Variants in MCC observed in about 807,000 individuals in gnomAD.
MCC encodes MCC regulator of Wnt signaling pathway.
Under a neutral mutation model 116.2 loss-of-function variants are expected in MCC, and 90 were observed. The ratio of observed to expected loss-of-function variants is 0.77; its 90% CI spans 0.65 to 0.92. MCC has a LOEUF of 0.92. Ranked by LOEUF, MCC falls within the 40% of genes least tolerant of loss-of-function variation. The pLI is 0.00. For synonymous variants in MCC, 578 were observed against 510.5 expected, an observed-to-expected ratio of 1.13 and a Z score of -1.78; for missense variants, 1,516 against 1,312.2, an observed-to-expected ratio of 1.16 and a Z score of -2.40.
chr5:113,068,173 T>A lies in MCC; in HGVS notation c.1936A>T (p.Ile646Phe), dbSNP rs200168585. ...GCCAGGAGGAGTTCGTAGGCTTCGA[T>A]GCACTGCTCGCTGAAACAAAGCACA... The part of the protein sequence containing the change: ...RLALQYSEQC[I>F]EAYELLLALA... Residue 646 changes from isoleucine (I) to phenylalanine (F), a missense_variant, in exon 13 of 19, where the codon ATC becomes TTC. Coordinates refer to ENST00000408903, the MANE Select transcript of MCC (RefSeq NM_001085377.2). The A allele has an allele frequency of 1.2e-6, 2 of 1,613,776 alleles. No individual in the cohort carries two copies. Among genetic ancestry groups the A allele is most frequent in the South Asian group, 1.1e-5 (1 of 91,086 alleles).
intron 4 of MCC, among the ~76,000 whole-genome samples, chr5:113,150,442 C>T (rs908500153): frequency 6.6e-6 from 1 of 152,042 alleles, no homozygotes; most frequent in Non-Finnish European, 1.5e-5. Context: ...CAAACAAAAA[C>T]ACTCCAGATA....
intron 5 of MCC, among the ~76,000 whole-genome samples, chr5:113,136,833 A>G (rs143959215): frequency 1.4e-4 from 21 of 152,250 alleles, no homozygotes; most frequent in African/African-American, 4.6e-4. Flanking sequence ...TTCCTTTCCA[A>G]TTTGGATGCC....
Position 113,245,120 on chromosome 5 carries a change from C to T in MCC, c.628-93698G>A, listed in dbSNP as rs567553605. On this transcript the variant is annotated intron_variant, in intron 3 of 18. Coordinates refer to ENST00000408903, the MANE Select transcript of MCC (RefSeq NM_001085377.2). ...CAGCCCGACCAATATGATGAAACCC[C>T]GTCTCTGCTAAAAATAAAATTAGCC... Among the ~76,000 whole-genome samples, 11 of 152,046 alleles carry T rather than the reference C, an allele frequency of 7.2e-5. No homozygotes were observed. The East Asian group carries it at 1.2e-3, about 16-fold the overall frequency.
chr5:113,216,880 A>T (rs1046525994), intron 3 of MCC, among the ~76,000 whole-genome samples: 2 of 152,246 alleles, frequency 1.3e-5, no homozygotes, highest in Admixed American at 1.3e-4. Context: ...AAACGAAGAC[A>T]ATGAAATAAT....
rs112691215 is a variant in MCC at position 113,083,953 on chromosome 5, A to G, written c.1635+148T>C. 327 of 624,368 alleles carry G rather than the reference A, an allele frequency of 5.2e-4. 3 individuals carry two copies. In the African/African-American group the frequency reaches 5.3e-3, roughly 10 times the overall value. 38.7% of individuals were successfully genotyped at this position (624,368 alleles called of 1,614,324 possible). On this transcript the variant is annotated intron_variant, in intron 10 of 18. Coordinates refer to ENST00000408903, the MANE Select transcript of MCC (RefSeq NM_001085377.2). ...GGAAATCATCATACATTTTAATTTA[A>G]TCCTTTGGAAGGAAATCAGGTATGA...
rs756617841 is a variant in MCC at position 113,282,144 on chromosome 5, AG to A, written c.627+58374del. Among the ~76,000 whole-genome samples, 139 of 152,336 alleles carry A rather than the reference AG, an allele frequency of 9.1e-4. 1 individual carries two copies. Among genetic ancestry groups the A allele is most frequent in the Non-Finnish European group, 1.7e-3 (114 of 68,026 alleles). ...CTATGATTTCAGAGTCTATAACTTTAGAAAAAAAATAGTTTTACAGACAAAG... is the reference window on the plus strand; with the variant it reads ...CTATGATTTCAGAGTCTATAACTTTAAAAAAAAATAGTTTTACAGACAAAG... On this transcript the variant is annotated intron_variant, in intron 3 of 18. Coordinates refer to ENST00000408903, the MANE Select transcript of MCC (RefSeq NM_001085377.2).
In MCC at chr5:113,108,380, T is replaced by A. The variant is rs187846122; in HGVS notation, c.1028-4025A>T. On this transcript the variant is annotated intron_variant, in intron 6 of 18. Coordinates refer to ENST00000408903, the MANE Select transcript of MCC (RefSeq NM_001085377.2). ...AAAAAAAGAAAGGAAAGTGGCCAGG[T>A]GTGGTGGCTCATGCCTATAATCCCA... Among the ~76,000 whole-genome samples, 11 of 126,876 alleles carry A rather than the reference T, an allele frequency of 8.7e-5. No individual in the cohort carries two copies. In the East Asian group the frequency reaches 2.4e-3, roughly 27 times the overall value. 83.2% of individuals were successfully genotyped at this position (126,876 alleles called of 152,430 possible). A position where few individuals can be genotyped will look rare whatever the true frequency, so the allele number is the denominator to read the frequency against.
chr5:113,414,357 T>C (rs1770083118), intron 1 of MCC, among the ~76,000 whole-genome samples: 1 of 152,204 alleles, frequency 6.6e-6, no homozygotes. Flanking sequence ...TGTCTAACAT[T>C]GACAGTGGGG....
At chr5:113,430,828 G>A (rs755985659) in intron 1 of MCC, among the ~76,000 whole-genome samples, 6 of 152,142 alleles carry the variant, frequency 3.9e-5, no homozygotes, top group Admixed American at 1.3e-4. Flanking sequence ...ATGAGGGCCC[G>A]TACTCTGAAG....
chr5:113,129,298 A>C (rs982705814), intron 5 of MCC, among the ~76,000 whole-genome samples: 1 of 152,182 alleles, frequency 6.6e-6, no homozygotes, highest in African/African-American at 2.4e-5. Flanking sequence ...GCCGTCAGGA[A>C]GGAAAGAGGG....
At chr5:113,124,949 G>A (rs943017611) in intron 5 of MCC, among the ~76,000 whole-genome samples, 4 of 152,226 alleles carry the variant, frequency 2.6e-5, no homozygotes, top group African/African-American at 9.7e-5. Context: ...GTGGAGCAGC[G>A]CTCAAGATCA....
chr5:113,207,460 G>A (rs7704542), intron 3 of MCC, among the ~76,000 whole-genome samples: 1 of 149,022 alleles, frequency 6.7e-6, no homozygotes, highest in East Asian at 2.0e-4. Flanking sequence ...CGTGGAGGGT[G>A]GGGGGTGGGG....
At chr5:113,115,689 C>G (rs1264532482) in intron 6 of MCC, among the ~76,000 whole-genome samples, 2 of 151,920 alleles carry the variant, frequency 1.3e-5, no homozygotes, top group Non-Finnish European at 2.9e-5. Context: ...GTGGTTTCTG[C>G]CAGAACTTTT....
chr5:113,041,483 G>C (rs1751700493), intron 17 of MCC, among the ~76,000 whole-genome samples: 1 of 152,202 alleles, frequency 6.6e-6, no homozygotes, highest in African/African-American at 2.4e-5. Context: ...TTCTGCAAAA[G>C]GAAGAAGGGG....
At chr5:113,115,674 C>T (rs945301001) in intron 6 of MCC, among the ~76,000 whole-genome samples, 2 of 151,970 alleles carry the variant, frequency 1.3e-5, no homozygotes, top group Non-Finnish European at 2.9e-5. Flanking sequence ...AGAAAAGTTC[C>T]GTCAGTGGTT....
Position 113,385,145 on chromosome 5 carries a change from A to G in MCC, c.238T>C (p.Leu80=), listed in dbSNP as rs747956701. Residue 80 remains leucine, a synonymous_variant, in exon 2 of 19, where the codon TTG becomes CTG. Transcript: ENST00000408903. ...ATCTTCCCATTTTCATCTGCTCCCA[A>G]CTGGTTCATGATCTCAGCCACAGAC... is the stretch of plus-strand genomic sequence containing the variant. The part of the protein sequence containing the change: ...EESVAEIMNQ[L]GADENGKISF... The G allele has an allele frequency of 3.1e-6, 5 of 1,614,104 alleles. No individual in the cohort carries two copies. The highest frequency in any genetic ancestry group is 1.7e-5 in the Admixed American group (1 of 60,012).
At chr5:113,185,692 G>A (rs985849552) in intron 3 of MCC, among the ~76,000 whole-genome samples, 6 of 152,214 alleles carry the variant, frequency 3.9e-5, no homozygotes, top group African/African-American at 1.4e-4. Context: ...CCTCTCTTGA[G>A]TCATTGCCAT....
intron 3 of MCC, among the ~76,000 whole-genome samples, chr5:113,179,619 G>A (rs759511419): frequency 6.6e-6 from 1 of 152,202 alleles, no homozygotes; most frequent in Non-Finnish European, 1.5e-5. Flanking sequence ...TAAAATGCCA[G>A]TGTATCTTCT....
chr5:113,449,889 T>C (rs1242917224), intron 1 of MCC, among the ~76,000 whole-genome samples: 1 of 152,230 alleles, frequency 6.6e-6, no homozygotes, highest in East Asian at 1.9e-4. Flanking sequence ...TTTTTCAAAT[T>C]TATAGTCCTA....
Sources: gnomAD v4.1 joint callset for allele counts (sites outside exome capture counted in the v4.1 genomes callset) on GRCh38, gnomAD v4.1.1 for gene constraint, MANE v1.5 for transcripts, NCBI Gene and HGNC (gene_info 2026-07-23, HGNC 2026-07-21) for gene names.